Variants in DENND1A observed in about 807,000 individuals in gnomAD.
DENND1A encodes the protein DENN domain-containing protein 1A.
Under a neutral mutation model 113.7 loss-of-function variants are expected in DENND1A, and 51 were observed. The observed-to-expected ratio is 0.45, with a 90% CI of 0.36 to 0.57. The LOEUF is 0.57. Ranked by LOEUF, DENND1A falls within the 20% of genes least tolerant of loss-of-function variation. The pLI, the probability that DENND1A is intolerant of heterozygous loss-of-function variation, is 0.00. For missense variants in DENND1A, 1,258 were observed against 1,395.9 expected, an observed-to-expected ratio of 0.90 and a Z score of 1.57; for synonymous variants, 565 against 570.8, an observed-to-expected ratio of 0.99 and a Z score of 0.14.
At chr9:123,664,490 G>T (rs1466389748) in intron 8 of DENND1A, among the ~76,000 whole-genome samples, 1 of 150,882 alleles carries the variant, frequency 6.6e-6, no homozygotes, top group African/African-American at 2.4e-5. Flanking sequence ...TTCTAGTTTT[G>T]GTTATTTATT....
chr9:123,774,605 C>A (rs948045317), intron 3 of DENND1A, among the ~76,000 whole-genome samples: 1 of 151,950 alleles, frequency 6.6e-6, no homozygotes, highest in African/African-American at 2.4e-5. Flanking sequence ...TACAGAAAGG[C>A]CTTTCAACAC....
intron 1 of DENND1A, among the ~76,000 whole-genome samples, chr9:123,890,191 G>A (rs1849693842): frequency 1.3e-5 from 2 of 152,120 alleles, no homozygotes; most frequent in African/African-American, 4.8e-5. Context: ...AACTCCAACT[G>A]AACCCTGGTT....
intron 12 of DENND1A, among the ~76,000 whole-genome samples, chr9:123,564,288 G>A (rs1288980235): frequency 6.6e-6 from 1 of 152,230 alleles, no homozygotes; most frequent in Admixed American, 6.5e-5. Flanking sequence ...GCCTGGGAGT[G>A]GATGGCAGAC....
intron 10 of DENND1A, among the ~76,000 whole-genome samples, chr9:123,617,765 A>G (rs533202527): frequency 6.6e-6 from 1 of 152,302 alleles, no homozygotes; most frequent in South Asian, 2.1e-4. Context: ...GAATTCAATG[A>G]GAACCGTAAT....
chr9:123,610,851 A>G (rs912992792), intron 10 of DENND1A, among the ~76,000 whole-genome samples: 7 of 152,216 alleles, frequency 4.6e-5, no homozygotes, highest in African/African-American at 1.4e-4. Flanking sequence ...CTTTATCCTG[A>G]AAGCAATGGA....
At chr9:123,706,899 G>C (rs1460584606) in intron 5 of DENND1A, among the ~76,000 whole-genome samples, 1 of 151,944 alleles carries the variant, frequency 6.6e-6, no homozygotes. Context: ...TAAGAATAGA[G>C]TTGAGGAGAA....
At chr9:123,512,615 A>T (rs1327248247) in intron 13 of DENND1A, among the ~76,000 whole-genome samples, 2 of 152,064 alleles carry the variant, frequency 1.3e-5, no homozygotes, top group Non-Finnish European at 2.9e-5. Context: ...AGCGTCACAG[A>T]CCTCCCCAAA....
rs201746975 is a variant in DENND1A at position 123,381,764 on chromosome 9, G to A, written c.2881C>T (p.Pro961Ser). ...AGGGGGCTCGTGTGGGTGCCCATGG[G>A]CATCTGGCCAAAGAGGTTGGGCATG... ...LSMPNLFGQM[P>S]MGTHTSPLQP... The change falls in exon 24 of 24, where the codon CCC becomes TCC. Residue 961 changes from proline (P) to serine (S), a missense_variant. Physicochemically the swap from Pro to Ser is moderately conservative, Grantham distance 74. Around this residue, in one of 2 missense-constraint regions of DENND1A, gnomAD observed 1,159 missense variants for 1,231.7 expected, o/e 0.94. Transcript: ENST00000394215. The surrounding 1 kb of genome is among the most constrained non-coding windows in gnomAD (Gnocchi z 4.7). The A allele has an allele frequency of 5.5e-5, 83 of 1,509,240 alleles. No homozygotes were observed. The highest frequency in any genetic ancestry group is 5.2e-4 in the Middle Eastern group (3 of 5,780). 93.5% of individuals were successfully genotyped at this position (1,509,240 alleles called of 1,614,324 possible).
At chr9:123,414,194 A>T in intron 19 of DENND1A, 1 of 1,070,180 alleles carries the variant, frequency 9.3e-7, no homozygotes, top group Non-Finnish European at 1.1e-6. Context: ...TCCAAGCCTT[A>T]CTGTCCTCAT....
At chr9:123,863,671 G>A (rs955383656) in intron 2 of DENND1A, among the ~76,000 whole-genome samples, 5 of 151,846 alleles carry the variant, frequency 3.3e-5, no homozygotes, top group African/African-American at 1.2e-4. Context: ...GAGAATTTAT[G>A]CTGCCTTCGC....
At chr9:123,411,722 G>C (rs1263535421) in intron 20 of DENND1A, 54 bp downstream of exon 20, 5 of 981,694 alleles carry the variant, frequency 5.1e-6, no homozygotes, top group Non-Finnish European at 6.1e-6. Context: ...TCAGGCTGAG[G>C]GAGAATGGCT....
At chr9:123,629,472 G>A (rs767560666) in intron 10 of DENND1A, among the ~76,000 whole-genome samples, 3 of 152,232 alleles carry the variant, frequency 2.0e-5, no homozygotes, top group African/African-American at 2.4e-5. Flanking sequence ...TAGTGAGGAC[G>A]ATGATGTGTC....
At chr9:123,851,290 C>CT (rs1383811098) in intron 2 of DENND1A, among the ~76,000 whole-genome samples, 1 of 152,208 alleles carries the variant, frequency 6.6e-6, no homozygotes, top group Admixed American at 6.5e-5. Flanking sequence ...AGTATGTACT[C>CT]TTTTTGTCTG....
intron 21 of DENND1A, among the ~76,000 whole-genome samples, chr9:123,393,475 T>C (rs1157635112): frequency 6.6e-6 from 1 of 151,530 alleles, no homozygotes; most frequent in Non-Finnish European, 1.5e-5. Flanking sequence ...GGTGGGAGGA[T>C]TGCTTCAGCC....
chr9:123,613,372 C>T (rs983443567), intron 10 of DENND1A, among the ~76,000 whole-genome samples: 3 of 152,082 alleles, frequency 2.0e-5, no homozygotes, highest in African/African-American at 7.2e-5. Context: ...TATTCAGAAT[C>T]CAACACATCT....
chr9:123,541,341 C>T lies in DENND1A; in HGVS notation c.993+16229G>A, dbSNP rs371289999. 2.0e-5 allele frequency among the ~76,000 whole-genome samples: 3 copies of T among 152,022 alleles called. No individual in the cohort carries two copies. In the South Asian group the frequency reaches 6.2e-4, roughly 32 times the overall value. ...TCAGTGAGTACCAGGTTTTTCCTAC[C>T]CCTACTTCTTTTGCATAAACACTTA... On this transcript the variant is annotated intron_variant, in intron 13 of 23. Coordinates refer to ENST00000394215, the MANE Select transcript of DENND1A (RefSeq NM_001352964.2).
chr9:123,898,293 G>A (rs973795129), intron 1 of DENND1A, among the ~76,000 whole-genome samples: 2 of 151,862 alleles, frequency 1.3e-5, no homozygotes, highest in African/African-American at 4.8e-5. Context: ...ATTGAGTTAT[G>A]AGGGTCTCAT....
chr9:123,460,067 T>G (rs4072514), intron 13 of DENND1A, among the ~76,000 whole-genome samples: 145,039 of 152,250 alleles, frequency 0.95, 69,405 homozygotes, highest in Non-Finnish European at 1. Flanking sequence ...TGGGTATGTA[T>G]GTCCTATGTG....
At chr9:123,679,093 A>AG (rs2064275913) in intron 5 of DENND1A, among the ~76,000 whole-genome samples, 1 of 152,176 alleles carries the variant, frequency 6.6e-6, no homozygotes, top group Non-Finnish European at 1.5e-5. Context: ...GTCAGGAGGC[A>AG]GGGGGGAAAA....
Sources: gnomAD v4.1 joint callset for allele counts (sites outside exome capture counted in the v4.1 genomes callset) on GRCh38, gnomAD v4.1.1 for gene constraint, gnomAD v4.1.1 regional missense constraint, Gnocchi (gnomAD v3.1) non-coding constraint, MANE v1.5 for transcripts, NCBI Gene and HGNC (gene_info 2026-07-23, HGNC 2026-07-21) for gene names.